IGFN1: variants seen among roughly 807,000 people sequenced by gnomAD.
IGFN1 encodes the protein immunoglobulin like and fibronectin type III domain containing 1.
A neutral mutation model predicts 289.5 loss-of-function variants in IGFN1; 253 were observed. That is an observed-to-expected ratio of 0.87 (90% confidence interval 0.79 to 0.97). The LOEUF (loss-of-function observed/expected upper bound fraction) is 0.97, where lower values mean the gene tolerates loss of function less well. IGFN1 is among the 50% of genes least tolerant of loss of function. IGFN1 has a pLI of 0.00. For synonymous variants in IGFN1, 1,706 were observed against 1,788.5 expected (o/e 0.95, Z 1.16); for missense variants, 4,470 against 4,686.1 (o/e 0.95, Z 1.35).
chr1:201,209,433 AG>A lies in IGFN1; in HGVS notation c.4544del (p.Gly1515ValfsTer3). 1 of 1,534,214 alleles carries A rather than the reference AG, an allele frequency of 6.5e-7. No individual in the cohort carries two copies. Among genetic ancestry groups the A allele is most frequent in the Non-Finnish European group, 8.7e-7 (1 of 1,145,914 alleles). On this transcript the variant is annotated frameshift_variant, in exon 12 of 24. Transcript: ENST00000335211. LOFTEE classifies it high-confidence loss of function. Reference protein sequence around the residue: ...GGGSGSKAGYRGGLGSGEMGS... With the variant: ...GGGSGSKAGYXGGLGSGEMGS... Reference sequence around the variant, plus strand: ...GGGTTCAGGGAGCAAAGCAGGTTATAGGGGTGGCTTAGGTTCTGGGGAAATG... The same window carrying A: ...GGGTTCAGGGAGCAAAGCAGGTTATAGGGTGGCTTAGGTTCTGGGGAAATG...
Position 201,212,443 on chromosome 1 carries a change from A to T in IGFN1, c.7550A>T (p.Asp2517Val), listed in dbSNP as rs1474769031. 6.5e-7 allele frequency: 1 copy of T among 1,537,472 alleles called. No individual in the cohort carries two copies. Among genetic ancestry groups the T allele is most frequent in the Non-Finnish European group, 8.7e-7 (1 of 1,146,806 alleles). The part of the protein sequence containing the change: ...GAPRVKDRSP[D>V]QAGIMGASGF... ...CCCAGGGTGAAGGATAGGTCTCCAG[A>T]CCAAGCAGGGATAATGGGGGCTTCT... The change falls in exon 12 of 24, where the codon GAC becomes GTC. Residue 2517 changes from aspartate to valine, a missense_variant. Asp to Val is a radical substitution (Grantham distance 152). Around this residue, in one of 8 missense-constraint regions of IGFN1, gnomAD observed 2,218 missense variants for 2,114.1 expected, o/e 1.05. Coordinates refer to ENST00000335211, the MANE Select transcript of IGFN1 (RefSeq NM_001164586.2).
chr1:201,215,931 T>A, intron 15 of IGFN1, 93 bp downstream of exon 15: 1 of 1,222,860 alleles, frequency 8.2e-7, no homozygotes, highest in Non-Finnish European at 1.2e-6. Context: ...ATATGATCTC[T>A]GCTGGCTCTG....
At position 201,221,759 on chromosome 1, in the gene IGFN1, T is replaced by A. The variant is rs369565364; in HGVS notation, c.10201+13T>A. On this transcript the variant is annotated intron_variant, in intron 19 of 23. Transcript: ENST00000335211. ...ATGCCTGTTACTGGTGAGTGCTGCC[T>A]CCTTCCCCGACCCCTGAGCCCTGCA... The A allele has an allele frequency of 2.4e-5, 37 of 1,562,676 alleles. 1 individual carries two copies. In the East Asian group the frequency reaches 4.1e-4, roughly 17 times the overall value.
intron 10 of IGFN1, 124 bp from the exon 11 acceptor site, chr1:201,204,958 G>A: frequency 2.1e-6 from 2 of 951,840 alleles, no homozygotes; most frequent in Non-Finnish European, 3.1e-6. Context: ...CCTGTCCAAG[G>A]TAACATGGGG....
intron 23 of IGFN1, 114 bp downstream of exon 23, chr1:201,227,322 C>T: frequency 1.4e-6 from 1 of 730,950 alleles, no homozygotes; most frequent in Non-Finnish European, 2.2e-6. Context: ...AGTCAGGAGA[C>T]CAGGACTCTC....
rs766448809 is a variant in IGFN1, at chr1:201,193,276, C to G, written c.-18C>G. 7.2e-6 allele frequency: 11 copies of G among 1,535,072 alleles called. No individual in the cohort carries two copies. Among genetic ancestry groups the G allele is most frequent in the Non-Finnish European group, 8.8e-6 (10 of 1,131,524 alleles). ...ATAGAACTTCTACCCTCAGAGGAGTCAAAGAGGAGGCAGAACTATGGCAGG... is the reference window on the plus strand; with the variant it reads ...ATAGAACTTCTACCCTCAGAGGAGTGAAAGAGGAGGCAGAACTATGGCAGG... On this transcript the variant is annotated 5_prime_UTR_variant, in exon 2 of 24. Transcript: ENST00000335211.
chr1:201,215,147 C>T lies in IGFN1; in HGVS notation c.8988C>T (p.Thr2996=), dbSNP rs2275673. The T allele has an allele frequency of 0.34, 547,435 of 1,612,020 alleles. 93,918 individuals carry two copies. Among genetic ancestry groups the T allele is most frequent in the South Asian group, 0.38 (34,322 of 90,950 alleles). ...ACCAGCAGAGCGAGGCCACCCTGAC[C>T]GTCCAGGGTAAGGCCCAGCCCTGCC... The part of the protein sequence containing the change: ...AGDQQSEATL[T]VQDSPTIAPD... The change falls in exon 14 of 24, where the codon ACC becomes ACT. Residue 2996 remains threonine, a synonymous_variant. Coordinates refer to ENST00000335211, the MANE Select transcript of IGFN1 (RefSeq NM_001164586.2).
chr1:201,213,374 TGGA>T lies in IGFN1; in HGVS notation c.8488_8490del (p.Gly2830del), dbSNP rs1350870230. ...CTCAGGCACAGTCAGGGGCTGAGGT[TGGA>T]GGAGGAAAGAGAAGGGGAGCAGACG... On this transcript the variant is annotated inframe_deletion, in exon 12 of 24. Coordinates refer to ENST00000335211, the MANE Select transcript of IGFN1 (RefSeq NM_001164586.2). 9.3e-6 allele frequency: 15 copies of T among 1,612,578 alleles called. No individual in the cohort carries two copies. Among genetic ancestry groups the T allele is most frequent in the African/African-American group, 1.3e-5 (1 of 74,706 alleles).
At chr1:201,221,807 C>T (rs1187162186) in intron 19 of IGFN1, 61 bp downstream of exon 19, 2 of 1,434,232 alleles carry the variant, frequency 1.4e-6, no homozygotes, top group East Asian at 2.3e-5. Context: ...GAGGGGGCCC[C>T]TGAGTAGCCG....
Position 201,207,383 on chromosome 1 carries a change from C to A in IGFN1, c.2490C>A (p.Gly830=). 2.0e-6 allele frequency: 3 copies of A among 1,536,450 alleles called. No homozygotes were observed. Among genetic ancestry groups the A allele is most frequent in the South Asian group, 1.2e-5 (1 of 83,956 alleles). Residue 830 remains glycine (G), a synonymous_variant, in exon 12 of 24, where the codon GGC becomes GGA. Coordinates refer to ENST00000335211, the MANE Select transcript of IGFN1 (RefSeq NM_001164586.2). ...TAGHRAAGGI[G]RIESKGTSPW... is the part of the protein sequence containing the mutation. ...GTCACAGAGCAGCAGGGGGTATTGG[C>A]AGAATAGAATCTAAGGGCACAAGTC...
chr1:201,207,008 T>C lies in IGFN1; in HGVS notation c.2115T>C (p.Tyr705=), dbSNP rs1190760777. 3 of 1,536,546 alleles carry C rather than the reference T, an allele frequency of 2.0e-6. No individual in the cohort carries two copies. Among genetic ancestry groups the C allele is most frequent in the Non-Finnish European group, 2.6e-6 (3 of 1,146,674 alleles). Residue 705 remains tyrosine, a synonymous_variant, in exon 12 of 24, where the codon TAT becomes TAC. Transcript: ENST00000335211. ...CTCAGGGAGGTAGAGATGCTGACTATGGGGAAGCCAGGGGCTACTGGGGGT... is the reference window on the plus strand; with the variant it reads ...CTCAGGGAGGTAGAGATGCTGACTACGGGGAAGCCAGGGGCTACTGGGGGT... ...WGSQGGRDAD[Y]GEARGYWGSG...
chr1:201,213,689 A>ACAGACCCAAGCATCCCAG, intron 12 of IGFN1, 68 bp downstream of exon 12: 1 of 1,327,402 alleles, frequency 7.5e-7, no homozygotes, highest in Non-Finnish European at 1.1e-6. Flanking sequence ...GGCCACTGGG[A>ACAGACCCAAGCATCCCAG]TGCTTGGGTC....
rs141614401 is a variant in IGFN1 at position 201,213,392 on chromosome 1, G to A, written c.8499G>A (p.Arg2833=). Residue 2833 remains arginine, a synonymous_variant, in exon 12 of 24, where the codon AGG becomes AGA. Coordinates refer to ENST00000335211, the MANE Select transcript of IGFN1 (RefSeq NM_001164586.2). ...SGAEVGGGKR[R]GADEAGSMGW... is the part of the protein sequence containing the mutation. ...CTGAGGTTGGAGGAGGAAAGAGAAG[G>A]GGAGCAGACGAGGCTGGAAGCATGG... 36 of 1,613,878 alleles carry A rather than the reference G, an allele frequency of 2.2e-5. No individual in the cohort carries two copies. The highest frequency in any genetic ancestry group is 3.0e-5 in the Non-Finnish European group (35 of 1,179,874).
chr1:201,196,656 T>C (rs1052607321), intron 4 of IGFN1, among the ~76,000 whole-genome samples: 1 of 152,276 alleles, frequency 6.6e-6, no homozygotes, highest in Middle Eastern at 3.4e-3. Flanking sequence ...GGAGTTGTTA[T>C]GAGGATGAAA....
intron 3 of IGFN1, 26 bp downstream of exon 3, chr1:201,194,299 G>T: frequency 1.3e-6 from 2 of 1,549,918 alleles, no homozygotes; most frequent in South Asian, 2.4e-5. Context: ...AGCTGCGGAG[G>T]GGAGGCAAGA....
At chr1:201,200,213 T>C in intron 7 of IGFN1, 24 bp from the exon 8 acceptor site, 1 of 1,545,934 alleles carries the variant, frequency 6.5e-7, no homozygotes, top group Non-Finnish European at 8.7e-7. Flanking sequence ...CTCTGGCCTC[T>C]GACCTGCTAG....
At position 201,201,772 on chromosome 1, in the gene IGFN1, T is replaced by C. The variant is rs1667172642; in HGVS notation, c.687T>C (p.Asn229=). ...LRHIRVTKDG[N]AKFDLELDLK... ...ACATCAGGGTCACCAAGGATGGGAATGCAAAGTTTGACTTGGAGCTGGATC... is the reference window on the plus strand; with the variant it reads ...ACATCAGGGTCACCAAGGATGGGAACGCAAAGTTTGACTTGGAGCTGGATC... Residue 229 remains asparagine (N), a synonymous_variant, in exon 9 of 24, where the codon AAT becomes AAC. Transcript: ENST00000335211. 1.3e-6 allele frequency: 2 copies of C among 1,550,828 alleles called. No homozygotes were observed. Among genetic ancestry groups the C allele is most frequent in the Non-Finnish European group, 1.7e-6 (2 of 1,146,206 alleles).
chr1:201,196,187 G>A (rs1012489183), intron 4 of IGFN1, among the ~76,000 whole-genome samples: 1 of 152,206 alleles, frequency 6.6e-6, no homozygotes, highest in Non-Finnish European at 1.5e-5. Context: ...AACCTGGGAG[G>A]TGGTGTAGAC....
At chr1:201,226,772 C>T (rs1247862166) in intron 22 of IGFN1, 110 bp from the exon 23 acceptor site, 5 of 817,782 alleles carry the variant, frequency 6.1e-6, no homozygotes, top group Non-Finnish European at 9.8e-6. Flanking sequence ...GGCAGGAAAT[C>T]CCAGATAAGG....
Sources: allele counts gnomAD v4.1 joint callset (sites outside exome capture counted in the v4.1 genomes callset), GRCh38; gene constraint gnomAD v4.1.1; regional missense constraint gnomAD v4.1.1; transcripts MANE v1.5; gene names NCBI Gene and HGNC (gene_info 2026-07-23, HGNC 2026-07-21).